CLIC6: variants seen among roughly 807,000 people sequenced by gnomAD.
CLIC6 encodes CLIC family member 6.
Under a neutral mutation model 49.2 loss-of-function variants are expected in CLIC6, and 39 were observed. That is an observed-to-expected ratio of 0.79 (90% CI 0.61 to 1.04). The LOEUF is 1.04. CLIC6 is among the 50% of genes least tolerant of loss of function. CLIC6 has a pLI of 0.00. For synonymous variants in CLIC6, 446 were observed against 433.4 expected, an observed-to-expected ratio of 1.03 and a Z score of -0.36; for missense variants, 988 against 993.1, an observed-to-expected ratio of 0.99 and a Z score of 0.07.
At chr21:34,688,966 G>T (rs961103894) in intron 1 of CLIC6, among the ~76,000 whole-genome samples, 2 of 152,184 alleles carry the variant, frequency 1.3e-5, no homozygotes, top group African/African-American at 2.4e-5. Flanking sequence ...TGAGCCACTT[G>T]TCCAGCCAGG....
intron 1 of CLIC6, among the ~76,000 whole-genome samples, chr21:34,687,063 G>A (rs1989896703): frequency 6.6e-6 from 1 of 152,182 alleles, no homozygotes; most frequent in Admixed American, 6.5e-5. Flanking sequence ...TTGTTACGTG[G>A]CAATTGGTGA....
intron 1 of CLIC6, among the ~76,000 whole-genome samples, chr21:34,696,188 T>A (rs938050311): frequency 1.3e-5 from 2 of 152,028 alleles, no homozygotes; most frequent in African/African-American, 4.8e-5. Context: ...ACCCCCCCCA[T>A]CCCTGGCCTA....
intron 1 of CLIC6, among the ~76,000 whole-genome samples, chr21:34,683,530 G>A (rs767684456): frequency 6.6e-6 from 1 of 152,190 alleles, no homozygotes; most frequent in Non-Finnish European, 1.5e-5. Flanking sequence ...GAGTGGGAGG[G>A]TGATATGGTT....
intron 1 of CLIC6, among the ~76,000 whole-genome samples, chr21:34,699,096 T>C (rs948863758): frequency 2.0e-5 from 3 of 152,256 alleles, no homozygotes; most frequent in African/African-American, 7.2e-5. Context: ...TTAGCATCTC[T>C]GAAGTTCAGT....
chr21:34,682,143 G>A (rs904980653), intron 1 of CLIC6, among the ~76,000 whole-genome samples: 2 of 152,148 alleles, frequency 1.3e-5, no homozygotes, highest in Admixed American at 1.3e-4. Context: ...CTCCACAGAT[G>A]CATAATAATA....
chr21:34,716,301 C>T lies in CLIC6; in HGVS notation c.1900-20C>T, dbSNP rs374240622. The T allele has an allele frequency of 2.6e-5, 42 of 1,606,166 alleles. No homozygotes were observed. In the African/African-American group the frequency reaches 3.5e-4, roughly 13 times the overall value. ...CTTAGCAAGTTTTCCCTTTACTGAT[C>T]ATTTTCTCTTCATTTTCAGATTGTG... On this transcript the variant is annotated intron_variant, in intron 5 of 5. Coordinates refer to ENST00000349499, the MANE Select transcript of CLIC6 (RefSeq NM_053277.3).
Position 34,670,586 on chromosome 21 carries a change from G to C in CLIC6, c.1198G>C (p.Gly400Arg). 6.5e-7 allele frequency: 1 copy of C among 1,528,280 alleles called. No individual in the cohort carries two copies. Among genetic ancestry groups the C allele is most frequent in the African/African-American group, 1.4e-5 (1 of 72,248 alleles). The allele number at this position is 1,528,280 out of a possible 1,614,324, so 94.7% of individuals were successfully genotyped here. ...EEESPDSSPH[G>R]EASRGAAEPE... ...GGAATCCCCCGACAGCAGCCCACAT[G>C]GGGAGGCCTCCAGGGGCGCCGCGGA... Residue 400 changes from glycine (G) to arginine (R), a missense_variant, in exon 1 of 6, where the codon GGG becomes CGG. Transcript: ENST00000349499.
At chr21:34,695,902 G>C (rs1288851355) in intron 1 of CLIC6, among the ~76,000 whole-genome samples, 10 of 152,204 alleles carry the variant, frequency 6.6e-5, no homozygotes, top group Non-Finnish European at 1.2e-4. Context: ...TTTCCAAGGA[G>C]ATCCATGGCC....
intron 1 of CLIC6, among the ~76,000 whole-genome samples, chr21:34,675,419 G>A (rs1989645008): frequency 6.6e-6 from 1 of 152,144 alleles, no homozygotes; most frequent in South Asian, 2.1e-4. Context: ...ATGGGGCTTG[G>A]TCTCCAGGGA....
chr21:34,683,663 A>G (rs193092207), intron 1 of CLIC6, among the ~76,000 whole-genome samples: 46 of 152,280 alleles, frequency 3.0e-4, no homozygotes, highest in Non-Finnish European at 7.3e-5. Flanking sequence ...CATGATAGTG[A>G]GTGAGTTCTT....
intron 1 of CLIC6, chr21:34,705,954 A>G (rs762326116): frequency 1.5e-5 from 9 of 610,782 alleles, no homozygotes; most frequent in Admixed American, 2.5e-5. Flanking sequence ...GGCCCCATGC[A>G]GCAGGACCCA....
At chr21:34,670,910 C>A in intron 1 of CLIC6, 148 bp downstream of exon 1, 1 of 932,904 alleles carries the variant, frequency 1.1e-6, no homozygotes. Context: ...GTAGGCGGGA[C>A]AGCCGGGATT....
intron 1 of CLIC6, among the ~76,000 whole-genome samples, chr21:34,698,434 T>G (rs1391646407): frequency 2.7e-4 from 33 of 122,570 alleles, no homozygotes; most frequent in South Asian, 5.1e-4. Context: ...GGGAGGGAGA[T>G]AGGGAAGGGA....
rs1340723161 is a variant in CLIC6 at position 34,670,257 on chromosome 21, G to A, written c.869G>A (p.Arg290His). The A allele has an allele frequency of 2.1e-6, 3 of 1,432,256 alleles. No individual in the cohort carries two copies. The highest frequency in any genetic ancestry group is 3.0e-5 in the South Asian group (2 of 67,670). The allele number at this position is 1,432,256 out of a possible 1,614,324, so 88.7% of individuals were successfully genotyped here. The change falls in exon 1 of 6, where the codon CGC becomes CAC. Residue 290 changes from arginine (R) to histidine (H), a missense_variant. By Grantham distance (29) the Arg-to-His change is conservative (BLOSUM62 0). Coordinates refer to ENST00000349499, the MANE Select transcript of CLIC6 (RefSeq NM_053277.3). ...MDAEGPAGRA[R>H]RVSGEPQQSG... The stretch of plus-strand genomic sequence containing the variant: ...GCCGAGGGTCCGGCAGGAAGGGCGC[G>A]CCGGGTCTCGGGTGAGCCGCAGCAA...
At chr21:34,673,131 T>A (rs1430075525) in intron 1 of CLIC6, among the ~76,000 whole-genome samples, 2 of 152,162 alleles carry the variant, frequency 1.3e-5, no homozygotes, top group Non-Finnish European at 2.9e-5. Context: ...GGGAGGAGTT[T>A]GTGTGGGCAG....
At chr21:34,691,019 C>A (rs1989982937) in intron 1 of CLIC6, among the ~76,000 whole-genome samples, 1 of 152,050 alleles carries the variant, frequency 6.6e-6, no homozygotes, top group South Asian at 2.1e-4. Flanking sequence ...TCAAACCAGG[C>A]CATATAGTTG....
chr21:34,695,277 T>A (rs1990069918), intron 1 of CLIC6, among the ~76,000 whole-genome samples: 1 of 152,218 alleles, frequency 6.6e-6, no homozygotes, highest in South Asian at 2.1e-4. Flanking sequence ...TCTTCCCTAA[T>A]CAAACCTGTC....
Position 34,716,862 on chromosome 21 carries a change from T to TCTCTCTCTCTCTCTCTCACACACACA in CLIC6, c.*381_*382insTCTCTCTCTCTCTCTCACACACACAC. On this transcript the variant is annotated 3_prime_UTR_variant, in exon 6 of 6. Coordinates refer to ENST00000349499, the MANE Select transcript of CLIC6 (RefSeq NM_053277.3). ...CTCTCTCTCTCTCTCTCTCTCTCTATCACACACACACACACACACACACAC... is the reference window on the plus strand; with the variant it reads ...CTCTCTCTCTCTCTCTCTCTCTCTATCTCTCTCTCTCTCTCTCACACACACACACACACACACACACACACACACAC... 8 of 131,728 alleles carry TCTCTCTCTCTCTCTCTCACACACACA rather than the reference T, an allele frequency of 6.1e-5. No homozygotes were observed. Among genetic ancestry groups the TCTCTCTCTCTCTCTCTCACACACACA allele is most frequent in the African/African-American group, 2.6e-4 (8 of 31,304 alleles). 8.2% of individuals were successfully genotyped at this position (131,728 alleles called of 1,614,324 possible).
intron 5 of CLIC6, among the ~76,000 whole-genome samples, chr21:34,716,115 G>T (rs1206571400): frequency 2.0e-5 from 3 of 152,202 alleles, no homozygotes; most frequent in African/African-American, 7.2e-5. Context: ...AGTCACTGTA[G>T]TGAGTACAGG....
Sources: gnomAD v4.1 joint callset for allele counts (sites outside exome capture counted in the v4.1 genomes callset) on GRCh38, gnomAD v4.1.1 for gene constraint, MANE v1.5 for transcripts, NCBI Gene and HGNC (gene_info 2026-07-23, HGNC 2026-07-21) for gene names.